The following IQCH variants were observed in gnomAD, a reference collection of about 807,000 sequenced individuals.
The protein encoded by IQCH is IQ domain-containing protein H.
A neutral mutation model predicts 117.0 loss-of-function variants in IQCH; 98 were observed. The ratio of observed to expected loss-of-function variants is 0.84; its 90% CI spans 0.71 to 0.99. The LOEUF (loss-of-function observed/expected upper bound fraction) is 0.99. Ranked by LOEUF, IQCH falls within the 50% of genes least tolerant of loss-of-function variation. IQCH has a pLI of 0.00. For missense variants in IQCH, 1,102 were observed against 1,243.8 expected, an observed-to-expected ratio of 0.89 and a Z score of 1.72; for synonymous variants, 412 against 448.2, an observed-to-expected ratio of 0.92 and a Z score of 1.02.
intron 4 of IQCH, among the ~76,000 whole-genome samples, chr15:67,314,467 A>G (rs1967749438): frequency 7.5e-6 from 1 of 133,348 alleles, no homozygotes; most frequent in Admixed American, 8.5e-5. Flanking sequence ...CAAACTTATC[A>G]TCTCTTTGTG....
intron 13 of IQCH, among the ~76,000 whole-genome samples, chr15:67,398,596 G>A (rs933471540): frequency 2.6e-5 from 4 of 152,082 alleles, no homozygotes; most frequent in African/African-American, 9.7e-5. Flanking sequence ...ATGTAGTATA[G>A]TATCCCCAGG....
intron 4 of IQCH, among the ~76,000 whole-genome samples, chr15:67,295,706 A>G (rs188956341): frequency 3.9e-5 from 6 of 152,334 alleles, no homozygotes; most frequent in Admixed American, 3.9e-4. Flanking sequence ...GGTCACATAT[A>G]GACAAATGAA....
In IQCH at chr15:67,344,087, G is replaced by A; in HGVS notation, c.533G>A (p.Gly178Glu). The stretch of plus-strand genomic sequence containing the variant: ...GGGATTTTAAGTATGATAGAACGAG[G>A]GCTGATTCCACCAACAGCAAGGATT... ...HKGILSMIER[G>E]LIPPTARITF... The change falls in exon 6 of 21, where the codon GGG (glycine) becomes GAG (glutamate). Residue 178 changes from glycine to glutamate, a missense_variant. Coordinates refer to ENST00000335894, the MANE Select transcript of IQCH (RefSeq NM_001031715.3). 6.2e-7 allele frequency: 1 copy of A among 1,612,748 alleles called. No homozygotes were observed. The highest frequency in any genetic ancestry group is 1.1e-5 in the South Asian group (1 of 91,000).
intron 4 of IQCH, among the ~76,000 whole-genome samples, chr15:67,288,532 C>T (rs535983624): frequency 6.6e-5 from 10 of 152,112 alleles, no homozygotes; most frequent in African/African-American, 2.4e-4. Context: ...TAGTTTTTGT[C>T]TTGAAATCTA....
At chr15:67,360,034 G>T (rs1185657777) in intron 8 of IQCH, 149 bp downstream of exon 8, 7 of 588,452 alleles carry the variant, frequency 1.2e-5, no homozygotes, top group South Asian at 2.7e-5. Context: ...TTAGATCATG[G>T]TTTCAGGAAA....
intron 3 of IQCH, among the ~76,000 whole-genome samples, chr15:67,276,713 G>T (rs975239747): frequency 3.3e-5 from 5 of 152,002 alleles, no homozygotes; most frequent in African/African-American, 1.2e-4. Context: ...AATAGGTAAG[G>T]TAATTTTTTT....
chr15:67,425,386 G>T lies in IQCH; in HGVS notation c.2505+3809G>T, dbSNP rs1331379937. 6.6e-6 allele frequency among the ~76,000 whole-genome samples: 1 copy of T among 152,162 alleles called. No homozygotes were observed. The highest frequency in any genetic ancestry group is 6.5e-5 in the Admixed American group (1 of 15,268). On this transcript the variant is annotated intron_variant, in intron 16 of 20. Coordinates refer to ENST00000335894, the MANE Select transcript of IQCH (RefSeq NM_001031715.3). This position sits in a 1 kb window ranked among gnomAD's most constrained non-coding sequence, Gnocchi z 5.5. Reference sequence around the variant, plus strand: ...CCCAGCACTTTGGGTGGCCGAGGTGGGTGGATCACGAGGTCAGGAGTTCAA... The same window carrying T: ...CCCAGCACTTTGGGTGGCCGAGGTGTGTGGATCACGAGGTCAGGAGTTCAA...
intron 4 of IQCH, among the ~76,000 whole-genome samples, chr15:67,283,879 T>C (rs1966461673): frequency 2.0e-5 from 3 of 152,164 alleles, no homozygotes. Context: ...TTTTCAAATT[T>C]TTATTTATTT....
intron 4 of IQCH, among the ~76,000 whole-genome samples, chr15:67,292,226 A>G (rs1412534488): frequency 2.0e-5 from 3 of 152,126 alleles, no homozygotes; most frequent in African/African-American, 4.8e-5. Flanking sequence ...ACTGTAAGAA[A>G]TAAATGTTGT....
chr15:67,319,087 C>T (rs1247830179), intron 4 of IQCH, among the ~76,000 whole-genome samples: 1 of 151,978 alleles, frequency 6.6e-6, no homozygotes, highest in African/African-American at 2.4e-5. Flanking sequence ...ATTAACCAGG[C>T]GTGGTGGCGG....
At chr15:67,470,673 CTT>C (rs1266393560) in intron 17 of IQCH, among the ~76,000 whole-genome samples, 1 of 152,204 alleles carries the variant, frequency 6.6e-6, no homozygotes, top group Non-Finnish European at 1.5e-5. Context: ...ATCTTCAACT[CTT>C]GTCTTCAAAA....
Position 67,342,060 on chromosome 15 carries a change from C to G in IQCH, c.509-2003C>G. Among the ~76,000 whole-genome samples the G allele has an allele frequency of 6.6e-6, 1 of 151,898 alleles. No individual in the cohort carries two copies. Among genetic ancestry groups the G allele is most frequent in the East Asian group, 1.9e-4 (1 of 5,164 alleles). On this transcript the variant is annotated intron_variant, in intron 5 of 20. Transcript: ENST00000335894. The surrounding 1 kb of genome is among the most constrained non-coding windows in gnomAD (Gnocchi z 4.7). ...CCAAGGCAGGAAGATTGCTTGAAAC[C>G]GGGAGTTCAAGACTAGCCTGGACAA...
At chr15:67,371,202 A>G (rs1970521294) in intron 8 of IQCH, among the ~76,000 whole-genome samples, 1 of 152,198 alleles carries the variant, frequency 6.6e-6, no homozygotes, top group South Asian at 2.1e-4. Flanking sequence ...CCTCCAAGCC[A>G]TCAGGAACAT....
intron 18 of IQCH, among the ~76,000 whole-genome samples, chr15:67,480,046 T>C (rs892237646): frequency 1.3e-5 from 2 of 152,202 alleles, no homozygotes; most frequent in South Asian, 4.1e-4. Flanking sequence ...GAAAGCCATA[T>C]GGAGAAAGGC....
chr15:67,339,080 T>C (rs1969029576), intron 5 of IQCH, among the ~76,000 whole-genome samples: 1 of 152,200 alleles, frequency 6.6e-6, no homozygotes, highest in East Asian at 1.9e-4. Flanking sequence ...CAGTTGAGGC[T>C]CCATGAGGTC....
At position 67,476,061 on chromosome 15, in the gene IQCH, C is replaced by T. The variant is rs1245357757; in HGVS notation, c.2799+243C>T. On this transcript the variant is annotated intron_variant, in intron 18 of 20. Transcript: ENST00000335894. The surrounding 1 kb of genome is among the most constrained non-coding windows in gnomAD (Gnocchi z 4.1). Reference sequence around the variant, plus strand: ...ACACCCACTTTGCTAAAGCAGAAGCCATGCAAGCTCTCCAGACTTAGGAGG... The same window carrying T: ...ACACCCACTTTGCTAAAGCAGAAGCTATGCAAGCTCTCCAGACTTAGGAGG... Among the ~76,000 whole-genome samples, 2 of 152,228 alleles carry T rather than the reference C, an allele frequency of 1.3e-5. No individual in the cohort carries two copies. The highest frequency in any genetic ancestry group is 4.8e-5 in the African/African-American group (2 of 41,464).
rs1219721806 is a variant in IQCH, at chr15:67,443,713, G to A, written c.2506-21414G>A. Among the ~76,000 whole-genome samples, 1 of 152,124 alleles carries A rather than the reference G, an allele frequency of 6.6e-6. No individual in the cohort carries two copies. Among genetic ancestry groups the A allele is most frequent in the Non-Finnish European group, 1.5e-5 (1 of 68,014 alleles). Reference sequence around the variant, plus strand: ...CATATTTCAAAGTCCAGCTCATCATGGATTCCCCCTTAAAGTGCCACTTCA... The same window carrying A: ...CATATTTCAAAGTCCAGCTCATCATAGATTCCCCCTTAAAGTGCCACTTCA... On this transcript the variant is annotated intron_variant, in intron 16 of 20. Transcript: ENST00000335894. This position sits in a 1 kb window ranked among gnomAD's most constrained non-coding sequence, Gnocchi z 5.0.
At position 67,407,195 on chromosome 15, in the gene IQCH, A is replaced by G. The variant is rs1236673229; in HGVS notation, c.2097+6890A>G. The G allele has an allele frequency of 1.3e-5, 2 of 152,242 alleles. No homozygotes were observed. Among genetic ancestry groups the G allele is most frequent in the African/African-American group, 2.4e-5 (1 of 41,462 alleles). 9.4% of individuals were successfully genotyped at this position (152,242 alleles called of 1,614,324 possible). A position where few individuals can be genotyped will look rare whatever the true frequency, so the allele number is the denominator to read the frequency against. On this transcript the variant is annotated intron_variant, in intron 14 of 20. Transcript: ENST00000335894. The surrounding 1 kb of genome is among the most constrained non-coding windows in gnomAD (Gnocchi z 5.3). Reference sequence around the variant, plus strand: ...ATAGCAGCCTGCTTTCTTATCATTTAGAAATATAAAACAGTTCCATTTATT... The same window carrying G: ...ATAGCAGCCTGCTTTCTTATCATTTGGAAATATAAAACAGTTCCATTTATT...
chr15:67,295,660 A>G lies in IQCH; in HGVS notation c.387+16148A>G, dbSNP rs1044082174. 2.0e-5 allele frequency among the ~76,000 whole-genome samples: 3 copies of G among 152,170 alleles called. No individual in the cohort carries two copies. In the South Asian group the frequency reaches 6.2e-4, roughly 32 times the overall value. ...GACTTCAGGTACATGAGAGGACTAA[A>G]TTCTGTCTTATTTAAACAATATTCT... On this transcript the variant is annotated intron_variant, in intron 4 of 20. Coordinates refer to ENST00000335894, the MANE Select transcript of IQCH (RefSeq NM_001031715.3).
Sources: allele counts gnomAD v4.1 joint callset (sites outside exome capture counted in the v4.1 genomes callset), GRCh38; gene constraint gnomAD v4.1.1; non-coding constraint Gnocchi (gnomAD v3.1); transcripts MANE v1.5; gene names NCBI Gene and HGNC (gene_info 2026-07-23, HGNC 2026-07-21).